The following CSMD1 variants were observed in gnomAD, a reference collection of about 807,000 sequenced individuals.
The protein encoded by CSMD1 is CUB and sushi domain-containing protein 1.
CSMD1 carries 213 observed loss-of-function variants against 417.5 expected under a neutral mutation model. The observed-to-expected ratio is 0.51, with a 90% CI of 0.46 to 0.57. CSMD1 has a LOEUF of 0.57. CSMD1 is among the 20% of genes least tolerant of loss of function. The pLI is 0.00. For missense variants in CSMD1, 6,923 were observed against 4,529.7 expected (o/e 1.53, Z -15.17); for synonymous variants, 2,862 against 1,736.8 (o/e 1.65, Z -16.11).
At chr8:4,064,893 A>G (rs1799165727) in intron 3 of CSMD1, among the ~76,000 whole-genome samples, 1 of 151,710 alleles carries the variant, frequency 6.6e-6, no homozygotes, top group African/African-American at 2.4e-5. Flanking sequence ...GTTTCCTCAC[A>G]AAGTGGTCAA....
At chr8:4,908,336 T>C (rs544139367) in intron 1 of CSMD1, among the ~76,000 whole-genome samples, 1 of 152,282 alleles carries the variant, frequency 6.6e-6, no homozygotes, top group South Asian at 2.1e-4. Flanking sequence ...TAGGTGTAGA[T>C]AATTTGGGAT....
At chr8:4,169,823 C>T (rs541511944) in intron 3 of CSMD1, among the ~76,000 whole-genome samples, 1 of 152,204 alleles carries the variant, frequency 6.6e-6, no homozygotes, top group East Asian at 1.9e-4. Context: ...TTTCTGTCTG[C>T]CCTTCCTGAA....
At chr8:4,756,406 G>A (rs1811670807) in intron 1 of CSMD1, among the ~76,000 whole-genome samples, 1 of 152,128 alleles carries the variant, frequency 6.6e-6, no homozygotes, top group Non-Finnish European at 1.5e-5. Context: ...CCAAGTTGAA[G>A]AACAGTGGTG....
At chr8:4,638,660 T>C (rs549381134) in intron 1 of CSMD1, among the ~76,000 whole-genome samples, 1 of 152,252 alleles carries the variant, frequency 6.6e-6, no homozygotes, top group African/African-American at 2.4e-5. Flanking sequence ...GTGAATTAGC[T>C]TAGTCCCTAA....
intron 1 of CSMD1, among the ~76,000 whole-genome samples, chr8:4,737,407 G>C (rs556047007): frequency 2.5e-4 from 38 of 151,974 alleles, no homozygotes; most frequent in Admixed American, 1.8e-3. Flanking sequence ...TTAATATCTG[G>C]GTGATGAGAT....
chr8:4,893,923 A>G (rs747175468), intron 1 of CSMD1, among the ~76,000 whole-genome samples: 1 of 152,128 alleles, frequency 6.6e-6, no homozygotes, highest in Admixed American at 6.5e-5. Flanking sequence ...TCTTTTTCGC[A>G]AAATGTTGGT....
chr8:4,264,994 C>T (rs780716792), intron 3 of CSMD1, among the ~76,000 whole-genome samples: 3 of 152,090 alleles, frequency 2.0e-5, no homozygotes, highest in Non-Finnish European at 4.4e-5. Context: ...AATTAAGAAG[C>T]ACTTATCAAT....
At chr8:4,716,774 G>C (rs940429910) in intron 1 of CSMD1, among the ~76,000 whole-genome samples, 1 of 152,136 alleles carries the variant, frequency 6.6e-6, no homozygotes, top group Non-Finnish European at 1.5e-5. Context: ...AAGTGTGGCA[G>C]GAAAGAAATC....
At chr8:4,114,713 G>C (rs566009612) in intron 3 of CSMD1, among the ~76,000 whole-genome samples, 24 of 152,122 alleles carry the variant, frequency 1.6e-4, no homozygotes, top group African/African-American at 5.3e-4. Flanking sequence ...AAAATGAATA[G>C]GAGTTTAGAA....
At chr8:3,514,063 T>C (rs1797188134) in intron 10 of CSMD1, among the ~76,000 whole-genome samples, 1 of 152,156 alleles carries the variant, frequency 6.6e-6, no homozygotes, top group South Asian at 2.1e-4. Context: ...GAACACCCTG[T>C]GTTCTTTAGT....
intron 5 of CSMD1, among the ~76,000 whole-genome samples, chr8:3,792,433 G>C (rs933721478): frequency 3.3e-5 from 5 of 152,134 alleles, no homozygotes; most frequent in African/African-American, 9.7e-5. Flanking sequence ...TAAAAACAAA[G>C]GCAAAACTGA....
At chr8:4,790,730 G>A (rs1306990979) in intron 1 of CSMD1, among the ~76,000 whole-genome samples, 3 of 152,114 alleles carry the variant, frequency 2.0e-5, no homozygotes, top group Non-Finnish European at 2.9e-5. Context: ...AAGCAACCAG[G>A]AAAGGACTCC....
intron 1 of CSMD1, among the ~76,000 whole-genome samples, chr8:4,881,002 T>A (rs1440400821): frequency 6.6e-6 from 1 of 152,056 alleles, no homozygotes; most frequent in East Asian, 1.9e-4. Flanking sequence ...AGGCCTTTCC[T>A]TTCCTTTCCC....
At chr8:4,047,537 ATTCATTCC>A (rs972524331) in intron 3 of CSMD1, among the ~76,000 whole-genome samples, 13 of 151,922 alleles carry the variant, frequency 8.6e-5, no homozygotes, top group Non-Finnish European at 1.6e-4. Context: ...TCATTCATTC[ATTCATTCC>A]ACAAATATTT....
At chr8:4,991,441 C>T (rs1811456569) in intron 1 of CSMD1, among the ~76,000 whole-genome samples, 1 of 152,254 alleles carries the variant, frequency 6.6e-6, no homozygotes, top group Non-Finnish European at 1.5e-5. Flanking sequence ...CCAGTGACCT[C>T]AACTGCGACC....
chr8:3,921,017 G>C (rs1227611705), intron 5 of CSMD1, among the ~76,000 whole-genome samples: 1 of 152,048 alleles, frequency 6.6e-6, no homozygotes, highest in Admixed American at 6.6e-5. Flanking sequence ...TCTTCTTCAG[G>C]TTTCCGAAAG....
intron 3 of CSMD1, among the ~76,000 whole-genome samples, chr8:4,263,549 C>G (rs914048619): frequency 6.6e-6 from 1 of 152,140 alleles, no homozygotes; most frequent in African/African-American, 2.4e-5. Flanking sequence ...ACTTTGATGT[C>G]TTTCTTGGAA....
chr8:4,973,042 G>C (rs1044248782), intron 1 of CSMD1, among the ~76,000 whole-genome samples: 1 of 152,092 alleles, frequency 6.6e-6, no homozygotes, highest in Non-Finnish European at 1.5e-5. Flanking sequence ...ATGTAGTAAA[G>C]AAGGTAAAAT....
intron 3 of CSMD1, among the ~76,000 whole-genome samples, chr8:4,039,740 G>A (rs937846325): frequency 6.6e-6 from 1 of 152,188 alleles, no homozygotes; most frequent in South Asian, 2.1e-4. Flanking sequence ...AAATAAGAAA[G>A]ATAAATTGAT....
Sources: allele counts gnomAD v4.1 joint callset (sites outside exome capture counted in the v4.1 genomes callset), GRCh38; gene constraint gnomAD v4.1.1; transcripts MANE v1.5; gene names NCBI Gene and HGNC (gene_info 2026-07-23, HGNC 2026-07-21).